The following PDE1A variants were observed in gnomAD, a reference collection of about 807,000 sequenced individuals.
PDE1A encodes the protein dual specificity calcium/calmodulin-dependent 3',5'-cyclic nucleotide phosphodiesterase 1A.
PDE1A carries 35 observed loss-of-function variants against 61.7 expected under a neutral mutation model. That is an observed-to-expected ratio of 0.57 (90% CI 0.43 to 0.75). The LOEUF is 0.75. PDE1A is among the 30% of genes least tolerant of loss of function. The pLI, the probability that PDE1A is intolerant of heterozygous loss-of-function variation, is 0.00. For synonymous variants in PDE1A, 232 were observed against 213.2 expected, an observed-to-expected ratio of 1.09 and a Z score of -0.77; for missense variants, 597 against 630.6, an observed-to-expected ratio of 0.95 and a Z score of 0.57.
At chr2:182,374,886 T>C (rs1324065456) in intron 1 of PDE1A, among the ~76,000 whole-genome samples, 1 of 152,144 alleles carries the variant, frequency 6.6e-6, no homozygotes, top group Non-Finnish European at 1.5e-5. Flanking sequence ...TGGGGAAGCC[T>C]CACAATCATG....
Position 182,380,037 on chromosome 2 carries a change from T to C in PDE1A, c.53+46541A>G, listed in dbSNP as rs1329877811. 3.3e-5 allele frequency among the ~76,000 whole-genome samples: 5 copies of C among 152,096 alleles called. No homozygotes were observed. In the East Asian group the frequency reaches 9.7e-4, roughly 29 times the overall value. On this transcript the variant is annotated intron_variant, in intron 1 of 13. Coordinates refer to ENST00000351439, the Ensembl canonical transcript of PDE1A. ...ATGGTCCTTTACTCTATCATGCCTC[T>C]CTACATTTACCTATTTTCTCCCTGA...
chr2:182,172,135 TAACA>T (rs778671286), intron 13 of PDE1A, among the ~76,000 whole-genome samples: 24 of 152,044 alleles, frequency 1.6e-4, no homozygotes, highest in Non-Finnish European at 3.4e-4. Flanking sequence ...GTCATTTAGC[TAACA>T]AACAAAAACA....
At position 182,230,411 on chromosome 2, in the gene PDE1A, C is replaced by T. The variant is rs111377949; in HGVS notation, c.535-265G>A. On this transcript the variant is annotated intron_variant, in intron 5 of 13. Transcript: ENST00000351439. ...ATAGGCTTGAAATTTTAGTATCTTC[C>T]GGAGAGTAGGAAGGCTAATTCGTAG... 1.4e-4 allele frequency among the ~76,000 whole-genome samples: 22 copies of T among 152,094 alleles called. 1 individual carries two copies. The highest frequency in any genetic ancestry group is 4.8e-4 in the African/African-American group (20 of 41,504).
exon 1 of PDE1A, chr2:182,522,703 T>C: frequency 9.3e-7 from 1 of 1,070,420 alleles, no homozygotes; most frequent in Middle Eastern, 4.4e-4. Context: ...GCAGCTCATC[T>C]GTTACTGTTC....
upstream of PDE1A, among the ~76,000 whole-genome samples, chr2:182,428,528 A>T (rs1002119514): frequency 5.6e-4 from 85 of 152,168 alleles, no homozygotes; most frequent in African/African-American, 2.0e-3. Flanking sequence ...ATGATCAATA[A>T]GTACCAATGA....
the PDE1A span, among the ~76,000 whole-genome samples, chr2:182,702,027 T>C: frequency 6.6e-6 from 1 of 152,220 alleles, no homozygotes; most frequent in Non-Finnish European, 1.5e-5. Context: ...CAGAATTTAA[T>C]TTGCAGAATT....
the PDE1A span, among the ~76,000 whole-genome samples, chr2:182,708,670 G>A: frequency 3.3e-5 from 5 of 151,990 alleles, no homozygotes; most frequent in Non-Finnish European, 7.4e-5. Context: ...CCCCCATCAG[G>A]TCCCTCCCTC....
chr2:182,200,924 T>C (rs1686568687), intron 10 of PDE1A, among the ~76,000 whole-genome samples: 1 of 152,160 alleles, frequency 6.6e-6, no homozygotes, highest in African/African-American at 2.4e-5. Context: ...GATGTGTACT[T>C]GTGGCAGAGA....
At chr2:182,169,619 T>C (rs1349166078) in intron 13 of PDE1A, among the ~76,000 whole-genome samples, 2 of 152,124 alleles carry the variant, frequency 1.3e-5, no homozygotes, top group East Asian at 1.9e-4. Flanking sequence ...ACTTCTAATA[T>C]CCTGACTGTA....
intron 13 of PDE1A, among the ~76,000 whole-genome samples, chr2:182,180,392 A>G (rs1490519149): frequency 3.3e-5 from 5 of 152,140 alleles, no homozygotes; most frequent in Non-Finnish European, 7.4e-5. Context: ...AATGTTGAAT[A>G]TTGAATATTG....
the PDE1A span, among the ~76,000 whole-genome samples, chr2:182,563,978 A>C: frequency 5.3e-5 from 8 of 152,102 alleles, no homozygotes; most frequent in African/African-American, 1.9e-4. Context: ...TCCTGAATAC[A>C]GCACACTGAT....
At chr2:182,278,396 A>T (rs1693581739) in intron 1 of PDE1A, among the ~76,000 whole-genome samples, 1 of 152,044 alleles carries the variant, frequency 6.6e-6, no homozygotes, top group South Asian at 2.1e-4. Flanking sequence ...CCAGGTATTT[A>T]ACCATAAACA....
the PDE1A span, among the ~76,000 whole-genome samples, chr2:182,562,933 G>A: frequency 6.6e-6 from 1 of 152,208 alleles, no homozygotes; most frequent in South Asian, 2.1e-4. Context: ...GTGTCTATTT[G>A]ATTCTTTGCT....
the PDE1A span, among the ~76,000 whole-genome samples, chr2:182,682,283 G>A: frequency 6.6e-6 from 1 of 152,156 alleles, no homozygotes; most frequent in Non-Finnish European, 1.5e-5. Context: ...GGAGATGGGT[G>A]ATCAGTTTCA....
intron 2 of PDE1A, among the ~76,000 whole-genome samples, chr2:182,477,424 A>G (rs562558482): frequency 2.8e-4 from 43 of 152,058 alleles, no homozygotes; most frequent in African/African-American, 9.9e-4. Flanking sequence ...GTCCATTTCA[A>G]TCAAGGCAAA....
the PDE1A span, among the ~76,000 whole-genome samples, chr2:182,626,398 A>T: frequency 1.4e-4 from 22 of 152,184 alleles, no homozygotes; most frequent in African/African-American, 3.4e-4. Context: ...AATTTTTTTT[A>T]AAAAAGCCCA....
At chr2:182,316,372 C>T (rs1157987939) in intron 1 of PDE1A, among the ~76,000 whole-genome samples, 1 of 152,036 alleles carries the variant, frequency 6.6e-6, no homozygotes, top group Non-Finnish European at 1.5e-5. Flanking sequence ...GTTAATTAAG[C>T]AAACAGGAAT....
At chr2:182,386,377 C>T (rs909009386) in intron 1 of PDE1A, among the ~76,000 whole-genome samples, 3 of 150,806 alleles carry the variant, frequency 2.0e-5, no homozygotes, top group Non-Finnish European at 3.0e-5. Context: ...TCTTCCTGGC[C>T]GCCATCCCAT....
chr2:182,559,964 T>G, the PDE1A span, among the ~76,000 whole-genome samples: 1 of 151,540 alleles, frequency 6.6e-6, no homozygotes, highest in Non-Finnish European at 1.5e-5. Flanking sequence ...TCAGTATGGG[T>G]AGGGAGCAGC....
Sources: allele counts gnomAD v4.1 joint callset (sites outside exome capture counted in the v4.1 genomes callset), GRCh38; gene constraint gnomAD v4.1.1; transcripts MANE v1.5; gene names NCBI Gene and HGNC (gene_info 2026-07-23, HGNC 2026-07-21).